The following CACNA1F variants were observed in gnomAD, a reference collection of about 807,000 sequenced individuals.
The protein encoded by CACNA1F is calcium voltage-gated channel subunit alpha1 F.
CACNA1F carries 59 observed loss-of-function variants against 143.8 expected under a neutral mutation model. That is an observed-to-expected ratio of 0.41 (90% CI 0.33 to 0.51). The LOEUF is 0.51. Ranked by LOEUF, CACNA1F falls within the 20% of genes least tolerant of loss-of-function variation. CACNA1F has a pLI of 0.22. For missense variants in CACNA1F, 1,411 were observed against 1,647.5 expected (o/e 0.86, Z 2.48); for synonymous variants, 643 against 649.1 (o/e 0.99, Z 0.14).
chrX:49,225,688 C>T (rs1324380247), intron 13 of CACNA1F, among the ~76,000 whole-genome samples: 2 of 111,425 alleles, frequency 1.8e-5, no homozygotes, highest in Non-Finnish European at 3.8e-5. Context: ...ATTGTCAGTA[C>T]ACATAAAGAA....
intron 46 of CACNA1F, 151 bp downstream of exon 46, chrX:49,206,360 T>G (rs1390684436): frequency 2.5e-6 from 1 of 399,163 alleles, no homozygotes; most frequent in Non-Finnish European, 4.1e-6. Flanking sequence ...AACACTGTAC[T>G]CCAGCCTGGG....
Position 49,231,671 on chromosome X carries a change from A to G in CACNA1F, c.275+7T>C. 1 of 1,211,560 alleles carries G rather than the reference A, an allele frequency of 8.3e-7. No individual in the cohort carries two copies. Among genetic ancestry groups the G allele is most frequent in the Admixed American group, 2.2e-5 (1 of 46,082 alleles). ...CCCCTGGGCCCTGCCCCTGCCTTCC[A>G]GGATGCTTCCACTCCACGATGCTGA... On this transcript the variant is annotated splice_region_variant and intron_variant, in intron 2 of 47. Transcript: ENST00000323022.
chrX:49,211,472 A>T lies in CACNA1F; in HGVS notation c.4110T>A (p.Thr1370=). 1 of 1,208,402 alleles carries T rather than the reference A, an allele frequency of 8.3e-7. No individual in the cohort carries two copies. The highest frequency in any genetic ancestry group is 1.8e-5 in the South Asian group (1 of 56,918). ...GCATTATCTCCTGCCATGCCTCACC[A>T]GTGGCACACCTGGTGGGAGTCACAC... ...QAVLLLFRCA[T]GEAWQEIMLA... Residue 1370 remains threonine (T), a synonymous_variant, in exon 36 of 48, where the codon ACT becomes ACA. Coordinates refer to ENST00000323022, the MANE Select transcript of CACNA1F (RefSeq NM_001256789.3).
intron 40 of CACNA1F, 23 bp downstream of exon 40, chrX:49,209,918 G>A (rs1557105811): frequency 8.7e-7 from 1 of 1,153,114 alleles, no homozygotes; most frequent in South Asian, 1.8e-5. Flanking sequence ...CTGGCGCGGG[G>A]AACTGGGGCG....
chrX:49,228,548 T>C, intron 6 of CACNA1F, 101 bp from the exon 7 acceptor site: 1 of 633,209 alleles, frequency 1.6e-6, no homozygotes, highest in Non-Finnish European at 2.5e-6. Flanking sequence ...GGGTCCTAGA[T>C]TTTTCTCTTT....
At chrX:49,222,902 A>G (rs2065787379) in intron 15 of CACNA1F, 27 bp downstream of exon 15, 6 of 819,212 alleles carry the variant, frequency 7.3e-6, no homozygotes. Context: ...TCCCCGACCC[A>G]CCCATCCCAT....
chrX:49,222,786 T>C lies in CACNA1F; in HGVS notation c.2138A>G (p.Tyr713Cys). 1 of 1,209,733 alleles carries C rather than the reference T, an allele frequency of 8.3e-7. No homozygotes were observed. Among genetic ancestry groups the C allele is most frequent in the Non-Finnish European group, 1.1e-6 (1 of 894,092 alleles). The part of the protein sequence containing the change: ...NVVMYDGIMA[Y>C]GGPFFPGMLV... Reference sequence around the variant, plus strand: ...CATTCCTGGGAAGAAGGGGCCACCATATGCCATGATACCATCATACATGAC... The same window carrying C: ...CATTCCTGGGAAGAAGGGGCCACCACATGCCATGATACCATCATACATGAC... Residue 713 changes from tyrosine to cysteine, a missense_variant, in exon 16 of 48, where the codon TAT becomes TGT. Transcript: ENST00000323022.
rs782737751 is a variant in CACNA1F at position 49,212,755 on chromosome X, C to A, written c.3854G>T (p.Arg1285Leu). 1 of 1,209,332 alleles carries A rather than the reference C, an allele frequency of 8.3e-7. No homozygotes were observed. Among genetic ancestry groups the A allele is most frequent in the Admixed American group, 2.2e-5 (1 of 45,851 alleles). ...DSSRISITFF[R>L]LFRVMRLVKL... ...GACCAGCCGCATAACTCGGAAGAGG[C>A]GAAAGAAGGTAATGGAAATGCGGGA... Residue 1285 changes from arginine to leucine, a missense_variant, in exon 33 of 48, where the codon CGC becomes CTC. This residue lies in a region of CACNA1F where 950 missense variants were observed against 1,128.1 expected (regional missense o/e 0.84). Transcript: ENST00000323022.
intron 44 of CACNA1F, 54 bp from the exon 45 acceptor site, chrX:49,206,909 CTGGGAGA>C: frequency 8.5e-7 from 1 of 1,169,719 alleles, no homozygotes; most frequent in Non-Finnish European, 1.2e-6. Context: ...GGACCTGGGC[CTGGGAGA>C]TGGGGCACAA....
chrX:49,225,758 G>T, intron 13 of CACNA1F, 151 bp downstream of exon 13: 1 of 458,453 alleles, frequency 2.2e-6, no homozygotes, highest in South Asian at 3.3e-5. Context: ...GCTACAAGGT[G>T]GGATGGGACA....
chrX:49,219,540 A>T, intron 20 of CACNA1F, 90 bp from the exon 21 acceptor site: 1 of 1,174,665 alleles, frequency 8.5e-7, no homozygotes, highest in Non-Finnish European at 1.1e-6. Flanking sequence ...CTGACACAAC[A>T]CCCATGCCCC....
At position 49,212,315 on chromosome X, in the gene CACNA1F, G is replaced by A; in HGVS notation, c.3943-7C>T. 1 of 1,176,249 alleles carries A rather than the reference G, an allele frequency of 8.5e-7. No individual in the cohort carries two copies. ...GAGCCACATAGGGCAAGGCCTATAG[G>A]GATGGGGGAGGGGGGCAGAGAATAG... On this transcript the variant is annotated splice_region_variant and splice_polypyrimidine_tract_variant and intron_variant, in intron 33 of 47. Coordinates refer to ENST00000323022, the MANE Select transcript of CACNA1F (RefSeq NM_001256789.3).
chrX:49,207,342 T>C (rs1218555309), intron 43 of CACNA1F, among the ~76,000 whole-genome samples: 1 of 112,350 alleles, frequency 8.9e-6, no homozygotes. Flanking sequence ...AAATCAAAGT[T>C]GACCTGTAGA....
intron 6 of CACNA1F, among the ~76,000 whole-genome samples, chrX:49,229,146 T>A (rs1424861843): frequency 1.8e-5 from 2 of 110,733 alleles, no homozygotes; most frequent in Non-Finnish European, 3.8e-5. Flanking sequence ...TTTTTTTTGG[T>A]TTGTTTTTGT....
At chrX:49,214,569 A>T (rs1237699749) in intron 29 of CACNA1F, among the ~76,000 whole-genome samples, 1 of 112,233 alleles carries the variant, frequency 8.9e-6, no homozygotes, top group Non-Finnish European at 1.9e-5. Context: ...AAATAAGGAG[A>T]GGCCCCAGGT....
rs782406586 is a variant in CACNA1F at position 49,231,238 on chromosome X, G to C, written c.345C>G (p.Phe115Leu). The C allele has an allele frequency of 5.5e-5, 64 of 1,163,336 alleles. No homozygotes were observed. The highest frequency in any genetic ancestry group is 6.8e-5 in the Non-Finnish European group (59 of 870,336). Reference protein sequence around the residue: ...NCVALGVYIPFPEDDSNTANH... With the variant: ...NCVALGVYIPLPEDDSNTANH... The stretch of plus-strand genomic sequence containing the variant: ...TGGCAGTGTTGGAGTCGTCCTCAGG[G>C]AAGGGGATGTAAACTCCCAGGGCCA... The change falls in exon 3 of 48, where the codon TTC becomes TTG. Residue 115 changes from phenylalanine (F) to leucine (L), a missense_variant. Physicochemically the swap from Phe to Leu is conservative, Grantham distance 22. Coordinates refer to ENST00000323022, the MANE Select transcript of CACNA1F (RefSeq NM_001256789.3).
intron 26 of CACNA1F, 72 bp downstream of exon 26, chrX:49,217,683 T>G: frequency 1.1e-6 from 1 of 910,809 alleles, no homozygotes; most frequent in Non-Finnish European, 1.6e-6. Flanking sequence ...TGGGCCTTGG[T>G]GAGATCTAGA....
chrX:49,210,046 C>T lies in CACNA1F; in HGVS notation c.4589-4G>A, dbSNP rs2043263567. 2.6e-6 allele frequency: 3 copies of T among 1,170,821 alleles called. No homozygotes were observed. The highest frequency in any genetic ancestry group is 2.3e-6 in the Non-Finnish European group (2 of 859,362). On this transcript the variant is annotated splice_region_variant and splice_polypyrimidine_tract_variant and intron_variant, in intron 39 of 47. Coordinates refer to ENST00000323022, the MANE Select transcript of CACNA1F (RefSeq NM_001256789.3). ...TGGTTGGCTTGCTCCAGGTTCCCTG[C>T]GTTGGAGGAGGATGTGGGGCATGAG...
intron 43 of CACNA1F, among the ~76,000 whole-genome samples, chrX:49,208,122 C>T (rs979081650): frequency 5.7e-5 from 6 of 104,965 alleles, no homozygotes; most frequent in Non-Finnish European, 1.2e-4. Flanking sequence ...CGCTTGAACC[C>T]GGGAGGCAGA....
Sources: gnomAD v4.1 joint callset for allele counts (sites outside exome capture counted in the v4.1 genomes callset) on GRCh38, gnomAD v4.1.1 for gene constraint, gnomAD v4.1.1 regional missense constraint, MANE v1.5 for transcripts, NCBI Gene and HGNC (gene_info 2026-07-23, HGNC 2026-07-21) for gene names.